The following WWOX variants were observed in gnomAD, a reference collection of about 807,000 sequenced individuals.
WWOX encodes WW domain containing oxidoreductase.
In WWOX, 69 loss-of-function variants were observed where a neutral mutation model predicts 46.2. That is an observed-to-expected ratio of 1.49 (90% CI 1.23 to 1.82). WWOX has a LOEUF of 1.82. Among genes scored for constraint, WWOX ranks in the 40% most tolerant of loss-of-function variants. The pLI is 0.00. For missense variants in WWOX, 919 were observed against 542.6 expected (o/e 1.69, Z -6.89); for synonymous variants, 359 against 202.6 (o/e 1.77, Z -6.56).
chr16:79,122,750 C>G (rs1018465703), intron 8 of WWOX, among the ~76,000 whole-genome samples: 2 of 152,104 alleles, frequency 1.3e-5, no homozygotes, highest in African/African-American at 4.8e-5. Context: ...GGTGAAAGGC[C>G]CAGATTTAGT....
intron 8 of WWOX, among the ~76,000 whole-genome samples, chr16:78,910,706 C>T (rs1019450970): frequency 2.0e-5 from 3 of 151,900 alleles, no homozygotes; most frequent in Non-Finnish European, 2.9e-5. Context: ...GGCAAGAGAA[C>T]TTGTGCAGGG....
At chr16:78,372,849 A>G (rs1327497510) in intron 5 of WWOX, among the ~76,000 whole-genome samples, 1 of 152,146 alleles carries the variant, frequency 6.6e-6, no homozygotes, top group Non-Finnish European at 1.5e-5. Flanking sequence ...ATTTGTTATC[A>G]TCATGCCTCT....
At chr16:78,382,592 A>T (rs1406857488) in intron 5 of WWOX, among the ~76,000 whole-genome samples, 1 of 152,178 alleles carries the variant, frequency 6.6e-6, no homozygotes, top group Admixed American at 6.5e-5. Flanking sequence ...GACCACTCTG[A>T]CGTACTAAAG....
chr16:79,040,496 G>A (rs2047950266), intron 8 of WWOX, among the ~76,000 whole-genome samples: 2 of 151,954 alleles, frequency 1.3e-5, no homozygotes, highest in Admixed American at 6.6e-5. Flanking sequence ...GGCTGGTCTC[G>A]AACTCCTGAG....
At chr16:78,772,139 C>T (rs34071876) in intron 8 of WWOX, among the ~76,000 whole-genome samples, 1 of 151,896 alleles carries the variant, frequency 6.6e-6, no homozygotes, top group Non-Finnish European at 1.5e-5. Flanking sequence ...ATTTCATCAC[C>T]CAGGTAATAA....
rs753626622 is a variant in WWOX, at chr16:78,099,897, G to T, written c.107+12G>T. ...GTTTACTACGCCAAGTAAGGGGGCCGCAGTGGGGCCGCGGACGCACCTGGG... is the reference window on the plus strand; with the variant it reads ...GTTTACTACGCCAAGTAAGGGGGCCTCAGTGGGGCCGCGGACGCACCTGGG... On this transcript the variant is annotated intron_variant, in intron 1 of 8. Coordinates refer to ENST00000566780, the MANE Select transcript of WWOX (RefSeq NM_016373.4). 1.9e-6 allele frequency: 3 copies of T among 1,555,448 alleles called. No homozygotes were observed. The highest frequency in any genetic ancestry group is 3.9e-5 in the Admixed American group (2 of 51,394).
At chr16:78,566,704 T>G (rs773994521) in intron 8 of WWOX, among the ~76,000 whole-genome samples, 134 of 152,260 alleles carry the variant, frequency 8.8e-4, no homozygotes, top group Non-Finnish European at 1.4e-3. Flanking sequence ...GATTGGAAAT[T>G]TTAGTGACAC....
At chr16:78,489,534 C>A (rs934878848) in intron 8 of WWOX, among the ~76,000 whole-genome samples, 1 of 152,086 alleles carries the variant, frequency 6.6e-6, no homozygotes, top group African/African-American at 2.4e-5. Flanking sequence ...CCCTTAGCAG[C>A]TTTCAAATAT....
chr16:79,129,758 T>C (rs2049837522), intron 8 of WWOX, among the ~76,000 whole-genome samples: 1 of 152,154 alleles, frequency 6.6e-6, no homozygotes, highest in Non-Finnish European at 1.5e-5. Flanking sequence ...ATCCATGCAT[T>C]GAATTATCTA....
intron 5 of WWOX, among the ~76,000 whole-genome samples, chr16:78,366,597 TGTAATTAAA>T (rs1463813354): frequency 6.6e-6 from 1 of 152,244 alleles, no homozygotes; most frequent in Non-Finnish European, 1.5e-5. Context: ...CACCTGGCTT[TGTAATTAAA>T]GTTTTACTGG....
rs1045059748 is a variant in WWOX, at chr16:78,366,997, T to A, written c.517-19863T>A. On this transcript the variant is annotated intron_variant, in intron 5 of 8. Transcript: ENST00000566780. ...TTTTTTTTTTTTTTTTTTTTTTTTT[T>A]AAGACGTAGTCTTGCTCTGTTGCCC... 1.2e-3 allele frequency among the ~76,000 whole-genome samples: 108 copies of A among 89,012 alleles called. 1 individual carries two copies. Among genetic ancestry groups the A allele is most frequent in the African/African-American group, 5.2e-3 (106 of 20,470 alleles). 58.4% of individuals were successfully genotyped at this position (89,012 alleles called of 152,430 possible).
intron 6 of WWOX, among the ~76,000 whole-genome samples, chr16:78,416,854 G>T (rs2082808764): frequency 6.6e-6 from 1 of 152,222 alleles, no homozygotes; most frequent in Non-Finnish European, 1.5e-5. Flanking sequence ...ACCATGGGAG[G>T]AGTATATTTA....
intron 8 of WWOX, among the ~76,000 whole-genome samples, chr16:78,819,636 C>T (rs1316735933): frequency 6.6e-6 from 1 of 152,180 alleles, no homozygotes; most frequent in African/African-American, 2.4e-5. Flanking sequence ...GTACACTGTC[C>T]CTTCAATAAA....
Position 79,212,010 on chromosome 16 carries a change from A to G in WWOX, c.*214A>G. On this transcript the variant is annotated 3_prime_UTR_variant, in exon 9 of 9. Coordinates refer to ENST00000566780, the MANE Select transcript of WWOX (RefSeq NM_016373.4). ...TCACTTTTCTGGGGCTGGGCTAGGC[A>G]TAGGTCTCTTTGCTTTCTGGTGGTG... is the stretch of plus-strand genomic sequence containing the variant. 3.3e-6 allele frequency: 5 copies of G among 1,536,282 alleles called. No individual in the cohort carries two copies. Among genetic ancestry groups the G allele is most frequent in the Non-Finnish European group, 4.4e-6 (5 of 1,146,932 alleles).
intron 8 of WWOX, among the ~76,000 whole-genome samples, chr16:78,847,580 C>T (rs529595390): frequency 1.5e-4 from 23 of 152,022 alleles, no homozygotes; most frequent in African/African-American, 2.2e-4. Context: ...GCGATTCTCC[C>T]GCCTCAGCTT....
At chr16:78,353,939 C>A (rs1055033361) in intron 5 of WWOX, among the ~76,000 whole-genome samples, 1 of 152,226 alleles carries the variant, frequency 6.6e-6, no homozygotes, top group Non-Finnish European at 1.5e-5. Context: ...CTTAAGTGAA[C>A]ATCTGTCTAA....
intron 5 of WWOX, among the ~76,000 whole-genome samples, chr16:78,290,128 T>G (rs890075135): frequency 1.3e-5 from 2 of 152,176 alleles, no homozygotes; most frequent in African/African-American, 2.4e-5. Context: ...AATGACAGTG[T>G]CTTTAGTGCA....
intron 5 of WWOX, among the ~76,000 whole-genome samples, chr16:78,229,493 T>C (rs893521105): frequency 7.8e-6 from 1 of 128,212 alleles, no homozygotes; most frequent in Non-Finnish European, 1.6e-5. Context: ...TCTGTATATA[T>C]ATTTATCTAT....
chr16:78,612,360 A>G (rs975401691), intron 8 of WWOX, among the ~76,000 whole-genome samples: 2 of 152,242 alleles, frequency 1.3e-5, no homozygotes, highest in Non-Finnish European at 2.9e-5. Flanking sequence ...GGGTCATCCT[A>G]TGAAGGAGGG....
Sources: gnomAD v4.1 joint callset for allele counts (sites outside exome capture counted in the v4.1 genomes callset) on GRCh38, gnomAD v4.1.1 for gene constraint, MANE v1.5 for transcripts, NCBI Gene and HGNC (gene_info 2026-07-23, HGNC 2026-07-21) for gene names.